The following HERC2 variants were observed in gnomAD, a reference collection of about 807,000 sequenced individuals.
HERC2 encodes the protein E3 ubiquitin-protein ligase HERC2.
A neutral mutation model predicts 537.7 loss-of-function variants in HERC2; 102 were observed. The observed-to-expected ratio is 0.19, with a 90% CI of 0.16 to 0.22. The LOEUF is 0.22. HERC2 is among the 10% of genes least tolerant of loss of function. The pLI is 1.00. For synonymous variants in HERC2, 2,224 were observed against 2,466.2 expected (o/e 0.90, Z 2.91); for missense variants, 4,236 against 6,198.2 (o/e 0.68, Z 10.63).
rs559215320 is a variant in HERC2, at chr15:28,194,502, G to A, written c.8260+1713C>T. Among the ~76,000 whole-genome samples, 152 of 151,694 alleles carry A rather than the reference G, an allele frequency of 1.0e-3. 1 individual carries two copies. The highest frequency in any genetic ancestry group is 3.5e-3 in the African/African-American group (147 of 41,474). ...GGAGAATGGCATGAACCCGGGAAGC[G>A]GAGCTTGCAGTGAGCCAAGATCACG... On this transcript the variant is annotated intron_variant, in intron 52 of 92. Coordinates refer to ENST00000261609, the MANE Select transcript of HERC2 (RefSeq NM_004667.6).
At chr15:28,153,415 A>G (rs1892659759) in intron 69 of HERC2, among the ~76,000 whole-genome samples, 1 of 152,092 alleles carries the variant, frequency 6.6e-6, no homozygotes, top group Non-Finnish European at 1.5e-5. Context: ...GCACTTTGGG[A>G]GGTCGAGGCA....
chr15:28,296,445 C>T (rs781069822), intron 3 of HERC2, among the ~76,000 whole-genome samples: 29 of 152,080 alleles, frequency 1.9e-4, no homozygotes, highest in Admixed American at 5.2e-4. Flanking sequence ...TACACTCCAG[C>T]CTGAGCGACA....
chr15:28,205,430 TC>T (rs1898334038), intron 45 of HERC2, among the ~76,000 whole-genome samples: 1 of 133,642 alleles, frequency 7.5e-6, no homozygotes, highest in Non-Finnish European at 1.6e-5. Flanking sequence ...GCCAACCTCC[TC>T]CCTTCCTGCC....
Position 28,268,246 on chromosome 15 carries a change from C to G in HERC2, c.1598+219G>C, listed in dbSNP as rs2075623316. Reference sequence around the variant, plus strand: ...AAGGCTGGCCAAGGCTGCACGGGGTCAAGAAGAACAGAAAGGCCAATTCCC... The same window carrying G: ...AAGGCTGGCCAAGGCTGCACGGGGTGAAGAAGAACAGAAAGGCCAATTCCC... On this transcript the variant is annotated intron_variant, in intron 12 of 92. Coordinates refer to ENST00000261609, the MANE Select transcript of HERC2 (RefSeq NM_004667.6). This position sits in a 1 kb window ranked among gnomAD's most constrained non-coding sequence, Gnocchi z 4.7. 6.6e-6 allele frequency among the ~76,000 whole-genome samples: 1 copy of G among 152,110 alleles called. No homozygotes were observed. The highest frequency in any genetic ancestry group is 1.5e-5 in the Non-Finnish European group (1 of 68,030).
At chr15:28,134,931 C>T (rs1890471864) in intron 79 of HERC2, among the ~76,000 whole-genome samples, 1 of 151,984 alleles carries the variant, frequency 6.6e-6, no homozygotes, top group South Asian at 2.1e-4. Flanking sequence ...CCTCAGCTTC[C>T]CAAAGTGCTG....
chr15:28,256,394 A>G, intron 17 of HERC2, 77 bp from the exon 18 acceptor site: 5 of 958,562 alleles, frequency 5.2e-6, no homozygotes, highest in Non-Finnish European at 7.7e-6. Flanking sequence ...ACACTGAATA[A>G]AAGTCAATTT....
chr15:28,155,098 T>C lies in HERC2; in HGVS notation c.10747-2268A>G, dbSNP rs545644688. 3.9e-5 allele frequency among the ~76,000 whole-genome samples: 6 copies of C among 152,188 alleles called. No homozygotes were observed. The South Asian group carries it at 1.0e-3, about 26-fold the overall frequency. On this transcript the variant is annotated intron_variant, in intron 69 of 92. Transcript: ENST00000261609. ...TATCCCTACAAAGCACATGAACTCA[T>C]CCTTTTTTATGGCTGCATAGTATTC...
intron 70 of HERC2, among the ~76,000 whole-genome samples, chr15:28,149,367 C>T (rs61699528): frequency 0.04 from 5,975 of 150,544 alleles, 286 homozygotes; most frequent in African/African-American, 0.14. Flanking sequence ...AAAACACACG[C>T]GGCTCCTAAC....
chr15:28,238,205 C>T lies in HERC2; in HGVS notation c.3761G>A (p.Gly1254Glu), dbSNP rs1376147521. 1.9e-6 allele frequency: 3 copies of T among 1,597,260 alleles called. No individual in the cohort carries two copies. The highest frequency in any genetic ancestry group is 2.2e-5 in the East Asian group (1 of 44,824). ...TTCCAAAGCTACCACTGGGTCTTCCCCTGCAAACTGAGCTGAAACAAAAAG... is the reference window on the plus strand; with the variant it reads ...TTCCAAAGCTACCACTGGGTCTTCCTCTGCAAACTGAGCTGAAACAAAAAG... ...TGNSILAQFA[G>E]EDPVVALEAA... is the part of the protein sequence containing the mutation. Residue 1254 changes from glycine (G) to glutamate (E), a missense_variant, in exon 25 of 93, where the codon GGG becomes GAG. Physicochemically the swap from Gly to Glu is moderately conservative, Grantham distance 98. Coordinates refer to ENST00000261609, the MANE Select transcript of HERC2 (RefSeq NM_004667.6).
chr15:28,137,807 T>G (rs530314781), intron 78 of HERC2, among the ~76,000 whole-genome samples: 64 of 152,238 alleles, frequency 4.2e-4, no homozygotes, highest in African/African-American at 1.4e-3. Context: ...TCACTTTAAG[T>G]CAAAAGCTAG....
chr15:28,168,333 C>G (rs544812790), intron 67 of HERC2, 74 bp downstream of exon 67: 58 of 1,437,374 alleles, frequency 4.0e-5, no homozygotes, highest in Admixed American at 3.4e-4. Context: ...CTAAATGACA[C>G]AATGAGACTT....
chr15:28,281,206 A>C (rs993299529), intron 4 of HERC2, among the ~76,000 whole-genome samples: 12 of 152,194 alleles, frequency 7.9e-5, no homozygotes, highest in African/African-American at 2.9e-4. Flanking sequence ...GAAAATTTCC[A>C]TACTAACAAG....
At chr15:28,116,534 T>C (rs1374119339) in intron 88 of HERC2, 131 bp downstream of exon 88, 3 of 982,944 alleles carry the variant, frequency 3.1e-6, no homozygotes. Context: ...TCATTTTTAT[T>C]GGTAACAGTC....
In HERC2 at chr15:28,114,724, G is replaced by A; in HGVS notation, c.13801C>T (p.Leu4601=). The A allele has an allele frequency of 6.2e-7, 1 of 1,614,136 alleles. No homozygotes were observed. The highest frequency in any genetic ancestry group is 8.5e-7 in the Non-Finnish European group (1 of 1,180,026). ...CTGGCACTTGGCACTGTGAAGGGCA[G>A]GCTCATGGCTTCAAACTCCTCTGAG... The part of the protein sequence containing the change: ...ATSEEFEAMS[L]PFTVPSASGQ... The change falls in exon 90 of 93, where the codon CTG becomes TTG. Residue 4601 remains leucine (L), a synonymous_variant. Coordinates refer to ENST00000261609, the MANE Select transcript of HERC2 (RefSeq NM_004667.6).
intron 79 of HERC2, 114 bp downstream of exon 79, chr15:28,135,364 T>G: frequency 1.3e-5 from 10 of 775,388 alleles, no homozygotes; most frequent in Non-Finnish European, 2.2e-5. Flanking sequence ...TTATTTAGTT[T>G]GAGAGTATTG....
chr15:28,228,398 C>T lies in HERC2; in HGVS notation c.5284G>A (p.Val1762Ile). ...AKFKELGIQP[V>I]PLQTITNENP... ...TCATTGGTGATGGTTTGCAGGGGAA[C>T]CGGCTGGATACCTAATGAGCATTGG... The change falls in exon 35 of 93, where the codon GTT becomes ATT. Residue 1762 changes from valine to isoleucine, a missense_variant. Coordinates refer to ENST00000261609, the MANE Select transcript of HERC2 (RefSeq NM_004667.6). 6.2e-7 allele frequency: 1 copy of T among 1,611,988 alleles called. No individual in the cohort carries two copies.
intron 65 of HERC2, among the ~76,000 whole-genome samples, chr15:28,173,054 C>A (rs1306916206): frequency 6.6e-6 from 1 of 152,172 alleles, no homozygotes; most frequent in African/African-American, 2.4e-5. Flanking sequence ...TGAGATACCA[C>A]CATACGTCTA....
In HERC2 at chr15:28,272,249, C is replaced by T. The variant is rs2075752170; in HGVS notation, c.1049G>A (p.Arg350Lys). ...LLQRFQSIIC[R>K]KDAPHSEGDM... ...GCCCTCGGAGTGGGGTGCATCCTTC[C>T]TGCAAATGATGCTCTGGAACCTTTG... is the stretch of plus-strand genomic sequence containing the variant. The change falls in exon 9 of 93, where the codon AGG becomes AAG. Residue 350 changes from arginine (R) to lysine (K), a missense_variant. Coordinates refer to ENST00000261609, the MANE Select transcript of HERC2 (RefSeq NM_004667.6). The T allele has an allele frequency of 1.9e-6, 3 of 1,610,648 alleles. No homozygotes were observed. The highest frequency in any genetic ancestry group is 3.6e-4 in the Middle Eastern group (2 of 5,606).
Position 28,274,427 on chromosome 15 carries a change from T to C in HERC2, c.664A>G (p.Ser222Gly). 1 of 1,612,758 alleles carries C rather than the reference T, an allele frequency of 6.2e-7. No homozygotes were observed. The highest frequency in any genetic ancestry group is 8.5e-7 in the Non-Finnish European group (1 of 1,179,452). The change falls in exon 7 of 93, where the codon AGT becomes GGT. Residue 222 changes from serine to glycine, a missense_variant. Physicochemically the swap from Ser to Gly is moderately conservative, Grantham distance 56 (BLOSUM62 0). Around this residue, in one of 27 missense-constraint regions of HERC2, gnomAD observed 491 missense variants for 559.3 expected, o/e 0.88. Coordinates refer to ENST00000261609, the MANE Select transcript of HERC2 (RefSeq NM_004667.6). ...WRSGEDADLC[S>G]ELLQESLDAL... is the part of the protein sequence containing the mutation. ...TCCAGGGACTCCTGCAACAGCTCAC[T>C]GCAGAGGTCCGCATCCTCGCCTGGG... is the stretch of plus-strand genomic sequence containing the variant.
Sources: gnomAD v4.1 joint callset for allele counts (sites outside exome capture counted in the v4.1 genomes callset) on GRCh38, gnomAD v4.1.1 for gene constraint, gnomAD v4.1.1 regional missense constraint, Gnocchi (gnomAD v3.1) non-coding constraint, MANE v1.5 for transcripts, NCBI Gene and HGNC (gene_info 2026-07-23, HGNC 2026-07-21) for gene names.